ERC1: variants seen among roughly 807,000 people sequenced by gnomAD.
ERC1 encodes RAB6 interacting protein 2.
In ERC1, 56 loss-of-function variants were observed where a neutral mutation model predicts 132.0. The ratio of observed to expected loss-of-function variants is 0.42; its 90% confidence interval spans 0.34 to 0.53. The LOEUF (loss-of-function observed/expected upper bound fraction) is 0.53. Ranked by LOEUF, ERC1 falls within the 20% of genes least tolerant of loss-of-function variation. The pLI, the probability that ERC1 is intolerant of heterozygous loss-of-function variation, is 0.03. For synonymous variants in ERC1, 478 were observed against 476.1 expected, an observed-to-expected ratio of 1.00 and a Z score of -0.05; for missense variants, 1,202 against 1,349.9, an observed-to-expected ratio of 0.89 and a Z score of 1.72.
At chr12:1,422,498 T>C (rs905374883) in intron 17 of ERC1, among the ~76,000 whole-genome samples, 1 of 152,100 alleles carries the variant, frequency 6.6e-6, no homozygotes, top group Non-Finnish European at 1.5e-5. Context: ...TCCTCCCAGC[T>C]CATCTGTGTT....
intron 15 of ERC1, among the ~76,000 whole-genome samples, chr12:1,346,567 C>T (rs1329781776): frequency 6.6e-6 from 1 of 152,116 alleles, no homozygotes; most frequent in African/African-American, 2.4e-5. Context: ...ACTGATTGAC[C>T]CTAATAGAAA....
chr12:1,134,546 C>T (rs1949073540), intron 7 of ERC1, among the ~76,000 whole-genome samples: 1 of 151,886 alleles, frequency 6.6e-6, no homozygotes, highest in African/African-American at 2.4e-5. Context: ...GAGATAGTGT[C>T]TTGCTATGTT....
chr12:1,433,691 C>T (rs926175316), intron 17 of ERC1, among the ~76,000 whole-genome samples: 2 of 152,202 alleles, frequency 1.3e-5, no homozygotes, highest in African/African-American at 4.8e-5. Context: ...GGAGACTTTA[C>T]TCCCTTTGAA....
chr12:1,490,829 C>T lies in ERC1; in HGVS notation c.*599C>T, dbSNP rs2094311537. 8.6e-6 allele frequency: 2 copies of T among 233,172 alleles called. No homozygotes were observed. Among genetic ancestry groups the T allele is most frequent in the African/African-American group, 2.2e-5 (1 of 45,316 alleles). The allele number at this position is 233,172 out of a possible 1,614,324, so 14.4% of individuals were successfully genotyped here. A position where few individuals can be genotyped will look rare whatever the true frequency, so the allele number is the denominator to read the frequency against. On this transcript the variant is annotated 3_prime_UTR_variant, in exon 19 of 19. Coordinates refer to ENST00000360905, the MANE Select transcript of ERC1 (RefSeq NM_178040.4). ...ACCGGGGAGCTGTGAGCAGGCCTCACGATGGCTTGGGAGCACTCGTTCTCC... is the reference window on the plus strand; with the variant it reads ...ACCGGGGAGCTGTGAGCAGGCCTCATGATGGCTTGGGAGCACTCGTTCTCC...
intron 17 of ERC1, among the ~76,000 whole-genome samples, chr12:1,426,383 G>A (rs1293702928): frequency 6.6e-6 from 1 of 152,150 alleles, no homozygotes; most frequent in Non-Finnish European, 1.5e-5. Context: ...GGCATTACAG[G>A]TATGAGCCAC....
intron 16 of ERC1, among the ~76,000 whole-genome samples, chr12:1,392,700 A>G (rs2090077686): frequency 6.6e-6 from 1 of 152,234 alleles, no homozygotes; most frequent in South Asian, 2.1e-4. Context: ...GATTTATAAA[A>G]TTATAAGTGG....
chr12:1,224,366 A>G (rs964021438), intron 12 of ERC1, among the ~76,000 whole-genome samples: 3 of 152,222 alleles, frequency 2.0e-5, no homozygotes, highest in African/African-American at 7.2e-5. Flanking sequence ...TGCCTATCAT[A>G]GATAAAACCA....
chr12:1,327,467 C>T (rs971493896), intron 15 of ERC1, among the ~76,000 whole-genome samples: 3 of 152,174 alleles, frequency 2.0e-5, no homozygotes, highest in Admixed American at 6.5e-5. Context: ...AACTTCTTCA[C>T]GTTGTCTGCA....
chr12:1,309,721 T>A (rs1468066059), intron 15 of ERC1, among the ~76,000 whole-genome samples: 1 of 151,740 alleles, frequency 6.6e-6, no homozygotes. Context: ...TGACTTTTTT[T>A]TTTTTTTTTT....
At chr12:1,227,883 TC>T in intron 12 of ERC1, among the ~76,000 whole-genome samples, 1 of 152,328 alleles carries the variant, frequency 6.6e-6, no homozygotes, top group East Asian at 1.9e-4. Context: ...ATATCCAGTT[TC>T]CCCAACACCA....
At chr12:1,483,668 CTTTTTTTTTTTT>C (rs35596394) in intron 18 of ERC1, among the ~76,000 whole-genome samples, 1,446 of 55,120 alleles carry the variant, frequency 0.026, 180 homozygotes, top group African/African-American at 0.064. Flanking sequence ...CCACTGAGAG[CTTTTTTTTTTTT>C]TTTTTTTTTT....
chr12:1,469,945 T>C (rs2093824642), intron 18 of ERC1, among the ~76,000 whole-genome samples: 1 of 141,466 alleles, frequency 7.1e-6, no homozygotes, highest in African/African-American at 2.7e-5. Context: ...TGGGCAGGTA[T>C]GCCCCGGGGT....
intron 13 of ERC1, among the ~76,000 whole-genome samples, chr12:1,255,884 C>T (rs2076779418): frequency 6.6e-6 from 1 of 151,668 alleles, no homozygotes; most frequent in Non-Finnish European, 1.5e-5. Context: ...CGTGATCCGC[C>T]CACCTCAACC....
chr12:1,168,489 T>G (rs1284957518), intron 8 of ERC1, among the ~76,000 whole-genome samples: 1 of 137,302 alleles, frequency 7.3e-6, no homozygotes, highest in Non-Finnish European at 1.6e-5. Flanking sequence ...CTTTTTTTTT[T>G]TTTTTTTTTT....
intron 2 of ERC1, among the ~76,000 whole-genome samples, chr12:1,066,282 C>T (rs1238073059): frequency 2.0e-5 from 3 of 152,116 alleles, no homozygotes; most frequent in African/African-American, 7.2e-5. Flanking sequence ...TTACCGGGAG[C>T]TGGAGCCTTC....
chr12:1,341,086 T>C (rs1373694739), intron 15 of ERC1, among the ~76,000 whole-genome samples: 22 of 65,106 alleles, frequency 3.4e-4, no homozygotes, highest in African/African-American at 1.1e-3. Flanking sequence ...TTTTTTTTTT[T>C]TTTTTTTTTT....
rs1378701466 is a variant in ERC1 at position 1,205,873 on chromosome 12, AGTCC to A, written c.2351+15822_2351+15825del. Among the ~76,000 whole-genome samples the A allele has an allele frequency of 2.0e-5, 3 of 152,132 alleles. No homozygotes were observed. The East Asian group carries it at 5.8e-4, about 29-fold the overall frequency. Reference sequence around the variant, plus strand: ...AAGTTTTATCATTTGTCCCATAGTTAGTCCTTTGCACGACTGGTTTTGCTCTCAG... The same window carrying A: ...AAGTTTTATCATTTGTCCCATAGTTATTTGCACGACTGGTTTTGCTCTCAG... On this transcript the variant is annotated intron_variant, in intron 12 of 18. Transcript: ENST00000360905.
At chr12:1,395,287 G>A (rs1054224426) in intron 16 of ERC1, among the ~76,000 whole-genome samples, 1 of 152,180 alleles carries the variant, frequency 6.6e-6, no homozygotes, top group African/African-American at 2.4e-5. Context: ...CCAACTTTTA[G>A]GAATGGCTTT....
rs1157492014 is a variant in ERC1, at chr12:1,460,663, G to A, written c.3213+15913G>A. 5.2e-4 allele frequency among the ~76,000 whole-genome samples: 79 copies of A among 151,930 alleles called. 1 individual carries two copies. Among genetic ancestry groups the A allele is most frequent in the Admixed American group, 5.2e-3 (79 of 15,246 alleles). ...GACTGGAGAGAAGCTACTCAGTTGG[G>A]TTATAAAAAGGATTCAGGATTGCAA... On this transcript the variant is annotated intron_variant, in intron 18 of 18. Coordinates refer to ENST00000360905, the MANE Select transcript of ERC1 (RefSeq NM_178040.4).
Sources: gnomAD v4.1 joint callset for allele counts (sites outside exome capture counted in the v4.1 genomes callset) on GRCh38, gnomAD v4.1.1 for gene constraint, MANE v1.5 for transcripts, NCBI Gene and HGNC (gene_info 2026-07-23, HGNC 2026-07-21) for gene names.